Variants in RARB observed in about 807,000 individuals in gnomAD.
RARB encodes HBV-activated protein.
A neutral mutation model predicts 51.9 loss-of-function variants in RARB; 17 were observed. The observed-to-expected ratio is 0.33, with a 90% CI of 0.22 to 0.49. The LOEUF (loss-of-function observed/expected upper bound fraction) is 0.49, where lower values mean the gene tolerates loss of function less well. RARB is among the 20% of genes least tolerant of loss of function. The pLI, the probability that RARB is intolerant of heterozygous loss-of-function variation, is 0.99. For missense variants in RARB, 369 were observed against 550.8 expected (o/e 0.67, Z 3.30); for synonymous variants, 215 against 195.4 (o/e 1.10, Z -0.84).
intron 5 of RARB, among the ~76,000 whole-genome samples, chr3:25,359,179 G>A (rs944418888): frequency 6.6e-6 from 1 of 152,008 alleles, no homozygotes. Flanking sequence ...GTCTATTCAG[G>A]GATTCGACGT....
chr3:25,539,564 T>A (rs1474546543), intron 3 of RARB, among the ~76,000 whole-genome samples: 1 of 124,436 alleles, frequency 8.0e-6, no homozygotes, highest in African/African-American at 3.6e-5. Context: ...TTTTGGCCTA[T>A]TTTTTCCCCT....
At chr3:25,430,108 G>T (rs796171692) in intron 1 of RARB, among the ~76,000 whole-genome samples, 3 of 152,288 alleles carry the variant, frequency 2.0e-5, no homozygotes, top group South Asian at 4.1e-4. Context: ...AAATCAACAG[G>T]TTTGTAGCTG....
At chr3:25,301,112 A>G (rs193188576) in intron 5 of RARB, among the ~76,000 whole-genome samples, 3,114 of 152,258 alleles carry the variant, frequency 0.02, 87 homozygotes, top group African/African-American at 0.066. Context: ...TGGCAGTTTG[A>G]CTTAATTTTT....
At chr3:25,520,158 T>G (rs1454890344) in intron 3 of RARB, among the ~76,000 whole-genome samples, 1 of 152,204 alleles carries the variant, frequency 6.6e-6, no homozygotes, top group Non-Finnish European at 1.5e-5. Flanking sequence ...ACCTAAAATA[T>G]CTACTATCTG....
At chr3:25,127,856 G>A (rs1587423) in intron 3 of RARB, among the ~76,000 whole-genome samples, 82,656 of 151,796 alleles carry the variant, frequency 0.54, 22,788 homozygotes, top group East Asian at 0.7. Flanking sequence ...ATATTTTTAC[G>A]AAGAGTAGTT....
At chr3:24,986,052 A>G (rs1172445368) in intron 2 of RARB, among the ~76,000 whole-genome samples, 1 of 152,256 alleles carries the variant, frequency 6.6e-6, no homozygotes, top group Admixed American at 6.5e-5. Flanking sequence ...ATATAATTCT[A>G]AGAACCACGG....
intron 2 of RARB, among the ~76,000 whole-genome samples, chr3:24,938,529 C>A (rs546713876): frequency 6.6e-6 from 1 of 152,216 alleles, no homozygotes; most frequent in South Asian, 2.1e-4. Flanking sequence ...TCCAGTAACT[C>A]CAAACCCAGA....
At position 25,118,641 on chromosome 3, in the gene RARB, G is replaced by A. The variant is rs12636832; in HGVS notation, c.-327-13520G>A. Among the ~76,000 whole-genome samples, 299 of 152,216 alleles carry A rather than the reference G, an allele frequency of 2.0e-3. 6 individuals are homozygous for A. In the East Asian group the frequency reaches 0.05, roughly 25 times the overall value. On this transcript the variant is annotated intron_variant, in intron 3 of 11. Coordinates refer to the RARB transcript ENST00000383772. The stretch of plus-strand genomic sequence containing the variant: ...GCTCTGTTTTGTCAGGAAGTGCTAA[G>A]CCATGTGCTTTTTCAGCCAAGCTGA...
intron 3 of RARB, among the ~76,000 whole-genome samples, chr3:25,105,830 A>G (rs894761050): frequency 6.6e-6 from 1 of 152,214 alleles, no homozygotes; most frequent in Admixed American, 6.5e-5. Flanking sequence ...ACTATCATGA[A>G]CATATATCTT....
chr3:25,315,490 C>T (rs1704398824), intron 5 of RARB, among the ~76,000 whole-genome samples: 1 of 152,216 alleles, frequency 6.6e-6, no homozygotes, highest in Admixed American at 6.5e-5. Context: ...TAACTTCCCT[C>T]TCAATCCACT....
chr3:25,392,894 T>C (rs6797302), intron 5 of RARB, among the ~76,000 whole-genome samples: 24,576 of 152,138 alleles, frequency 0.16, 2,325 homozygotes, highest in Admixed American at 0.3. Flanking sequence ...TTCTCTTGTC[T>C]GATTGCTCTG....
At chr3:25,205,111 A>G (rs917063836) in intron 5 of RARB, among the ~76,000 whole-genome samples, 1 of 152,116 alleles carries the variant, frequency 6.6e-6, no homozygotes, top group Admixed American at 6.5e-5. Context: ...TACCTACTCA[A>G]GCCTCAGCAA....
intron 3 of RARB, among the ~76,000 whole-genome samples, chr3:25,565,747 C>T (rs1417701411): frequency 6.6e-6 from 1 of 152,168 alleles, no homozygotes; most frequent in Non-Finnish European, 1.5e-5. Context: ...TCATCCATTT[C>T]CCCCACGGAA....
In RARB at chr3:25,480,415, C is replaced by T. The variant is rs144811544; in HGVS notation, c.306+19074C>T. ...TAGCACCTGGGCCAAGTCTGTGAAC[C>T]TCCCGGTTACTTCTCTTTCCCTTTC... On this transcript the variant is annotated intron_variant, in intron 2 of 7. Transcript: ENST00000330688. Among the ~76,000 whole-genome samples the T allele has an allele frequency of 1.8e-4, 28 of 152,240 alleles. 1 individual carries two copies. The highest frequency in any genetic ancestry group is 6.7e-4 in the African/African-American group (28 of 41,540).
At chr3:24,999,661 C>A (rs528240227) in intron 2 of RARB, among the ~76,000 whole-genome samples, 94 of 152,224 alleles carry the variant, frequency 6.2e-4, no homozygotes, top group Non-Finnish European at 1.0e-3. Context: ...TATTACCCAG[C>A]CCTTTTGGTT....
At chr3:25,419,903 C>G (rs879618780) in intron 5 of RARB, among the ~76,000 whole-genome samples, 58 of 151,780 alleles carry the variant, frequency 3.8e-4, no homozygotes, top group Admixed American at 2.8e-3. Context: ...GTAACTTCAT[C>G]AAGTAAACAA....
At chr3:24,983,948 G>A (rs534887110) in intron 2 of RARB, among the ~76,000 whole-genome samples, 18 of 152,186 alleles carry the variant, frequency 1.2e-4, no homozygotes, top group African/African-American at 4.1e-4. Context: ...AATGAAAAGA[G>A]CAAGCAATTT....
intron 1 of RARB, among the ~76,000 whole-genome samples, chr3:24,843,050 T>C (rs1298464734): frequency 6.6e-6 from 1 of 152,242 alleles, no homozygotes; most frequent in African/African-American, 2.4e-5. Flanking sequence ...TACTGATACC[T>C]GTTCACTGCT....
chr3:24,940,454 G>A (rs1218056660), intron 2 of RARB, among the ~76,000 whole-genome samples: 4 of 35,870 alleles, frequency 1.1e-4, no homozygotes. Flanking sequence ...AACAAGAGAA[G>A]GGGGGATAGG....
Sources: gnomAD v4.1 joint callset for allele counts (sites outside exome capture counted in the v4.1 genomes callset) on GRCh38, gnomAD v4.1.1 for gene constraint, MANE v1.5 for transcripts, NCBI Gene and HGNC (gene_info 2026-07-23, HGNC 2026-07-21) for gene names.